Variants in NBPF26 observed in about 807,000 individuals in gnomAD.
The protein encoded by NBPF26 is NBPF family member NBPF26.
Under a neutral mutation model 119.6 loss-of-function variants are expected in NBPF26, and 79 were observed. The ratio of observed to expected loss-of-function variants is 0.66; its 90% CI spans 0.55 to 0.80. The LOEUF (loss-of-function observed/expected upper bound fraction) is 0.80, where lower values mean the gene tolerates loss of function less well. Ranked by LOEUF, NBPF26 falls within the 30% of genes least tolerant of loss-of-function variation. The pLI is 0.00. For synonymous variants in NBPF26, 299 were observed against 457.7 expected (o/e 0.65, Z 4.43); for missense variants, 800 against 1,198.2 (o/e 0.67, Z 4.91).
At position 120,813,591 on chromosome 1, in the gene NBPF26, C is replaced by G. The variant is rs1471843146; in HGVS notation, c.1775-300C>G. ...GAGGCTGCAAGGCTTGGGAAAGTGG[C>G]CCCGCATTCAGAGTCAGACCTCAGG... On this transcript the variant is annotated intron_variant, in intron 10 of 29. Coordinates refer to ENST00000620612, the Ensembl canonical transcript of NBPF26. 1.6e-5 allele frequency among the ~76,000 whole-genome samples: 2 copies of G among 127,850 alleles called. 1 individual carries two copies. The highest frequency in any genetic ancestry group is 3.2e-5 in the Non-Finnish European group (2 of 61,938). The allele number at this position is 127,850 out of a possible 152,430, so 83.9% of individuals were successfully genotyped here.
rs1468879963 is a variant in NBPF26, at chr1:120,806,997, T to G, written c.962-610T>G. ...AACTAAGCTTATGCTGTTTCTAAAT[T>G]AACACAACTAATCTAAATCTTAATG... On this transcript the variant is annotated intron_variant, in intron 5 of 29. Transcript: ENST00000620612. Among the ~76,000 whole-genome samples the G allele has an allele frequency of 1.2e-4, 16 of 129,108 alleles. 2 individuals are homozygous for G. Among genetic ancestry groups the G allele is most frequent in the Admixed American group, 3.0e-4 (4 of 13,538 alleles). The allele number at this position is 129,108 out of a possible 152,430, so 84.7% of individuals were successfully genotyped here.
At chr1:120,817,090 C>A (rs1652025970) in intron 14 of NBPF26, among the ~76,000 whole-genome samples, 1 of 117,278 alleles carries the variant, frequency 8.5e-6, no homozygotes, top group Non-Finnish European at 1.6e-5. Flanking sequence ...ATCTGTCAGG[C>A]CTCCTAGCTT....
intron 18 of NBPF26, among the ~76,000 whole-genome samples, chr1:120,824,353 A>C (rs1280645280): frequency 8.4e-6 from 1 of 118,846 alleles, no homozygotes; most frequent in Non-Finnish European, 1.6e-5. Flanking sequence ...TCCTAGTCTC[A>C]GGCCATGCCT....
At chr1:120,745,828 A>C (rs1396609651) in intron 1 of NBPF26, among the ~76,000 whole-genome samples, 1 of 92,430 alleles carries the variant, frequency 1.1e-5, no homozygotes, top group African/African-American at 7.1e-5. Context: ...AAAAAAAAAA[A>C]AAAAAAACAA....
chr1:120,809,658 C>T (rs1454384904), intron 7 of NBPF26, among the ~76,000 whole-genome samples, 153 bp from the exon 8 acceptor site: 4 of 149,670 alleles, frequency 2.7e-5, no homozygotes, highest in East Asian at 1.9e-4. Flanking sequence ...GAGCAGGAAA[C>T]CATGCCAGGG....
Position 120,840,268 on chromosome 1 carries a change from T to G in NBPF26, c.4104-82T>G, listed in dbSNP as rs1652482491. Reference sequence around the variant, plus strand: ...TCCTTTTTCTTTTCTAACCACTTCCTTATGTTACTTCTGAAATCTAGTGGG... The same window carrying G: ...TCCTTTTTCTTTTCTAACCACTTCCGTATGTTACTTCTGAAATCTAGTGGG... On this transcript the variant is annotated intron_variant, in intron 29 of 29. Transcript: ENST00000620612. 4 of 1,440,686 alleles carry G rather than the reference T, an allele frequency of 2.8e-6. 1 individual carries two copies. The highest frequency in any genetic ancestry group is 3.7e-6 in the Non-Finnish European group (4 of 1,080,142). The allele number at this position is 1,440,686 out of a possible 1,614,324, so 89.2% of individuals were successfully genotyped here.
rs1488041547 is a variant in NBPF26 at position 120,756,367 on chromosome 1, C to T, written c.74-7261C>T. Among the ~76,000 whole-genome samples the T allele has an allele frequency of 2.5e-4, 29 of 118,064 alleles. 7 individuals carry two copies. The East Asian group carries it at 4.2e-3, about 17-fold the overall frequency. The allele number at this position is 118,064 out of a possible 152,430, so 77.5% of individuals were successfully genotyped here. On this transcript the variant is annotated intron_variant, in intron 1 of 29. Coordinates refer to ENST00000620612, the Ensembl canonical transcript of NBPF26. ...TATTGCTACTTGAAATTTGCATAAA[C>T]GTTGAAGAAAAAGTTAAAAGAGCCT...
intron 2 of NBPF26, among the ~76,000 whole-genome samples, chr1:120,765,822 C>T (rs1193357417): frequency 7.9e-6 from 1 of 126,690 alleles, no homozygotes; most frequent in Non-Finnish European, 1.6e-5. Flanking sequence ...GAGTTCATGT[C>T]CTTTGCAGGG....
Position 120,805,608 on chromosome 1 carries a change from C to T in NBPF26, c.804C>T (p.Gly268=), listed in dbSNP as rs1553269710. Residue 268 remains glycine (G), a synonymous_variant, in exon 5 of 30, where the codon GGC becomes GGT. Transcript: ENST00000620612. Reference sequence around the variant, plus strand: ...ACGTCAGCATGGTGGTATCAGCCGGCCATTGGTCCAGTGAGAAGGCAGAGA... The same window carrying T: ...ACGTCAGCATGGTGGTATCAGCCGGTCATTGGTCCAGTGAGAAGGCAGAGA... 7.5e-6 allele frequency: 11 copies of T among 1,462,234 alleles called. 2 individuals carry two copies. The Middle Eastern group carries it at 1.1e-3, about 152-fold the overall frequency. 90.6% of individuals were successfully genotyped at this position (1,462,234 alleles called of 1,614,324 possible). A position where few individuals can be genotyped will look rare whatever the true frequency, so the allele number is the denominator to read the frequency against.
At position 120,804,664 on chromosome 1, in the gene NBPF26, T is replaced by C. The variant is rs1651634994; in HGVS notation, c.752-892T>C. Among the ~76,000 whole-genome samples the C allele has an allele frequency of 4.2e-5, 5 of 119,940 alleles. 2 individuals carry two copies. The South Asian group carries it at 1.2e-3, about 29-fold the overall frequency. The allele number at this position is 119,940 out of a possible 152,430, so 78.7% of individuals were successfully genotyped here. A position where few individuals can be genotyped will look rare whatever the true frequency, so the allele number is the denominator to read the frequency against. On this transcript the variant is annotated intron_variant, in intron 4 of 29. Coordinates refer to ENST00000620612, the Ensembl canonical transcript of NBPF26. Reference sequence around the variant, plus strand: ...ACATCTATAAGTGACAAGTTTAAAATGTAGTGCTCAGTGACATTAAAAAAC... The same window carrying C: ...ACATCTATAAGTGACAAGTTTAAAACGTAGTGCTCAGTGACATTAAAAAAC...
At chr1:120,807,390 T>C (rs1481204746) in intron 5 of NBPF26, among the ~76,000 whole-genome samples, 3 of 124,612 alleles carry the variant, frequency 2.4e-5, no homozygotes, top group Admixed American at 7.6e-5. Context: ...ACTTCCTTGA[T>C]GCGCCCTTGA....
intron 2 of NBPF26, among the ~76,000 whole-genome samples, chr1:120,765,191 C>A (rs1178556489): frequency 4.2e-5 from 5 of 118,690 alleles, no homozygotes; most frequent in Non-Finnish European, 8.4e-5. Flanking sequence ...GGTGCATTCT[C>A]CTCTAAGAAT....
At position 120,754,853 on chromosome 1, in the gene NBPF26, T is replaced by C. The variant is rs1379771713; in HGVS notation, c.74-8775T>C. Among the ~76,000 whole-genome samples, 46 of 121,364 alleles carry C rather than the reference T, an allele frequency of 3.8e-4. 11 individuals carry two copies. The highest frequency in any genetic ancestry group is 7.4e-4 in the Non-Finnish European group (44 of 59,642). The allele number at this position is 121,364 out of a possible 152,430, so 79.6% of individuals were successfully genotyped here. Reference sequence around the variant, plus strand: ...CTACTTTCTCAACTTTTCATCCTTGTTAAAGGCCTGGAAATTTGCAGCATT... The same window carrying C: ...CTACTTTCTCAACTTTTCATCCTTGCTAAAGGCCTGGAAATTTGCAGCATT... On this transcript the variant is annotated intron_variant, in intron 1 of 29. Coordinates refer to ENST00000620612, the Ensembl canonical transcript of NBPF26.
At chr1:120,820,445 AAAATATATATAT>A (rs1416003752) in intron 15 of NBPF26, among the ~76,000 whole-genome samples, 2 of 18,956 alleles carry the variant, frequency 1.1e-4, no homozygotes, top group African/African-American at 2.9e-4. Context: ...TAAAGTATTA[AAAATATATATAT>A]ATATATATAT....
rs1353469589 is a variant in NBPF26, at chr1:120,745,134, C to A, written c.74-18494C>A. On this transcript the variant is annotated intron_variant, in intron 1 of 29. Transcript: ENST00000620612. ...GATCCTGTCTCCAAAAAAAAAAAAACAAAAAAAAAACAAAAAAAAGTGGTA... is the reference window on the plus strand; with the variant it reads ...GATCCTGTCTCCAAAAAAAAAAAAAAAAAAAAAAAACAAAAAAAAGTGGTA... Among the ~76,000 whole-genome samples the A allele has an allele frequency of 1.4e-3, 119 of 82,256 alleles. 15 individuals are homozygous for A. The highest frequency in any genetic ancestry group is 5.5e-3 in the African/African-American group (66 of 11,974). 54.0% of individuals were successfully genotyped at this position (82,256 alleles called of 152,430 possible).
At chr1:120,724,771 G>A (rs1454566422) in intron 1 of NBPF26, among the ~76,000 whole-genome samples, 2 of 113,336 alleles carry the variant, frequency 1.8e-5, no homozygotes, top group Non-Finnish European at 3.5e-5. Context: ...TTTGGATGGG[G>A]ACGGGGTTTT....
chr1:120,812,925 AATAATAAT>A (rs1651905582), intron 10 of NBPF26, among the ~76,000 whole-genome samples: 2 of 11,534 alleles, frequency 1.7e-4, no homozygotes, highest in African/African-American at 8.1e-4. Context: ...TGCTAAAAAT[AATAATAAT>A]AATAATAATA....
rs1378605378 is a variant in NBPF26, at chr1:120,781,978, C to G, written c.156-2996C>G. The stretch of plus-strand genomic sequence containing the variant: ...AGCTATCAAATGCTTAGCAAATATA[C>G]AATACATAGTTAAGTACTTAGAAAA... On this transcript the variant is annotated intron_variant, in intron 2 of 29. Transcript: ENST00000620612. Among the ~76,000 whole-genome samples, 6 of 102,114 alleles carry G rather than the reference C, an allele frequency of 5.9e-5. 2 individuals are homozygous for G. Among genetic ancestry groups the G allele is most frequent in the Admixed American group, 3.8e-4 (4 of 10,418 alleles). The allele number at this position is 102,114 out of a possible 152,430, so 67.0% of individuals were successfully genotyped here.
intron 11 of NBPF26, among the ~76,000 whole-genome samples, chr1:120,814,435 C>T (rs1217409442): frequency 4.6e-5 from 5 of 108,386 alleles, no homozygotes; most frequent in African/African-American, 1.1e-4. Context: ...CAATTCGCCC[C>T]ATCTGCACCT....
Sources: allele counts gnomAD v4.1 joint callset (sites outside exome capture counted in the v4.1 genomes callset), GRCh38; gene constraint gnomAD v4.1.1; transcripts MANE v1.5; gene names NCBI Gene and HGNC (gene_info 2026-07-23, HGNC 2026-07-21).